Variants in NXPE2 observed in about 807,000 individuals in gnomAD.
The protein encoded by NXPE2 is NXPE family member 2.
Under a neutral mutation model 34.4 loss-of-function variants are expected in NXPE2, and 34 were observed. That is an observed-to-expected ratio of 0.99 (90% CI 0.75 to 1.31). NXPE2 has a LOEUF of 1.31. Among genes scored for constraint, NXPE2 ranks in the 40% most tolerant of loss-of-function variants. The pLI, the probability that NXPE2 is intolerant of heterozygous loss-of-function variation, is 0.00. For synonymous variants in NXPE2, 235 were observed against 231.3 expected, an observed-to-expected ratio of 1.02 and a Z score of -0.15; for missense variants, 649 against 672.5, an observed-to-expected ratio of 0.97 and a Z score of 0.39.
At chr11:114,685,614 A>G (rs529769993) in intron 2 of NXPE2, among the ~76,000 whole-genome samples, 142 of 152,082 alleles carry the variant, frequency 9.3e-4, no homozygotes, top group Non-Finnish European at 1.9e-3. Context: ...GGGAGATGCA[A>G]GCATTTAGTC....
At chr11:114,496,651 T>A in the NXPE2 span, among the ~76,000 whole-genome samples, 5 of 152,208 alleles carry the variant, frequency 3.3e-5, no homozygotes, top group Non-Finnish European at 7.3e-5. Flanking sequence ...ATATAATTGG[T>A]TCTGATTCTT....
the NXPE2 span, among the ~76,000 whole-genome samples, chr11:114,634,387 T>C: frequency 7.2e-5 from 11 of 151,996 alleles, no homozygotes; most frequent in African/African-American, 1.9e-4. Context: ...GAGTAGGTTG[T>C]GAAGATTTTC....
At chr11:114,609,046 C>T in the NXPE2 span, among the ~76,000 whole-genome samples, 1 of 133,100 alleles carries the variant, frequency 7.5e-6, no homozygotes, top group African/African-American at 2.9e-5. Context: ...CTGGTGGATA[C>T]TAAGTATTGC....
At chr11:114,663,618 T>C in the NXPE2 span, among the ~76,000 whole-genome samples, 1 of 95,358 alleles carries the variant, frequency 1.0e-5, no homozygotes, top group Non-Finnish European at 2.3e-5. Context: ...TCTATCTATC[T>C]ATCTATCTAT....
the NXPE2 span, among the ~76,000 whole-genome samples, chr11:114,602,395 A>G: frequency 7.8e-6 from 1 of 128,930 alleles, no homozygotes; most frequent in South Asian, 2.3e-4. Context: ...GCTATATATT[A>G]TATATTATAC....
At chr11:114,779,177 GA>G in the NXPE2 span, among the ~76,000 whole-genome samples, 492 of 152,320 alleles carry the variant, frequency 3.2e-3, 3 homozygotes, top group African/African-American at 0.011. Flanking sequence ...GTGGATATAA[GA>G]AACTTTTCTT....
chr11:114,759,586 C>T, the NXPE2 span, among the ~76,000 whole-genome samples: 1 of 152,114 alleles, frequency 6.6e-6, no homozygotes, highest in Non-Finnish European at 1.5e-5. Context: ...TAAACTTTCT[C>T]CCAGTTATGT....
the NXPE2 span, chr11:114,594,694 G>A: frequency 6.2e-7 from 1 of 1,603,396 alleles, no homozygotes; most frequent in Non-Finnish European, 8.5e-7. Flanking sequence ...CTGTAAAAAT[G>A]ATCCAGGAGG....
At chr11:114,577,650 G>C in the NXPE2 span, among the ~76,000 whole-genome samples, 3 of 152,182 alleles carry the variant, frequency 2.0e-5, no homozygotes, top group African/African-American at 4.8e-5. Flanking sequence ...GGGATGGAAA[G>C]GTAGTGAGGT....
At chr11:114,679,421 C>T (rs1005078042) in intron 1 of NXPE2, among the ~76,000 whole-genome samples, 4 of 151,950 alleles carry the variant, frequency 2.6e-5, no homozygotes, top group African/African-American at 4.8e-5. Flanking sequence ...TGATATGATT[C>T]GAAACCCAAA....
the NXPE2 span, among the ~76,000 whole-genome samples, chr11:114,748,732 G>A: frequency 3.8e-4 from 58 of 152,240 alleles, no homozygotes; most frequent in Admixed American, 6.5e-4. Context: ...ACTTGAATGA[G>A]ATGGTATCTG....
At chr11:114,678,355 C>T (rs1218500356), upstream of NXPE2, 1 of 443,140 alleles carries the variant, frequency 2.3e-6, no homozygotes, top group Non-Finnish European at 4.1e-6. Flanking sequence ...TTCAGAGCTT[C>T]CTCATGGCTT....
At chr11:114,575,423 A>G in the NXPE2 span, among the ~76,000 whole-genome samples, 1 of 152,108 alleles carries the variant, frequency 6.6e-6, no homozygotes, top group Non-Finnish European at 1.5e-5. Context: ...TCATGATATG[A>G]TAGTATACCT....
chr11:114,723,157 G>T, the NXPE2 span, among the ~76,000 whole-genome samples: 2 of 152,158 alleles, frequency 1.3e-5, no homozygotes, highest in African/African-American at 2.4e-5. Context: ...AGAGGAACTG[G>T]ATTGGAGACG....
chr11:114,570,895 A>G, the NXPE2 span: 1 of 1,423,144 alleles, frequency 7.0e-7, no homozygotes, highest in Non-Finnish European at 9.5e-7. Context: ...ACAGTCAATA[A>G]ATTTTTTTAC....
chr11:114,577,218 C>G, the NXPE2 span, among the ~76,000 whole-genome samples: 12 of 149,276 alleles, frequency 8.0e-5, no homozygotes, highest in East Asian at 2.0e-3. Context: ...ACTACTCAGC[C>G]ATGAAAAGGA....
the NXPE2 span, among the ~76,000 whole-genome samples, chr11:114,672,031 C>A: frequency 6.6e-6 from 1 of 151,962 alleles, no homozygotes; most frequent in African/African-American, 2.4e-5. Context: ...GCAAGCACAT[C>A]TTCACATGGC....
At chr11:114,633,657 T>C in the NXPE2 span, among the ~76,000 whole-genome samples, 1 of 150,872 alleles carries the variant, frequency 6.6e-6, no homozygotes. Context: ...ATGTTCCCCT[T>C]CCTGTGTCCA....
the NXPE2 span, among the ~76,000 whole-genome samples, chr11:114,492,685 C>T: frequency 3.3e-5 from 5 of 152,092 alleles, no homozygotes; most frequent in Admixed American, 3.3e-4. Flanking sequence ...ACTACAGGCA[C>T]CCGCCAGCAT....
Sources: allele counts gnomAD v4.1 joint callset (sites outside exome capture counted in the v4.1 genomes callset), GRCh38; gene constraint gnomAD v4.1.1; transcripts MANE v1.5; gene names NCBI Gene and HGNC (gene_info 2026-07-23, HGNC 2026-07-21).